The following WWOX variants were observed in gnomAD, a reference collection of about 807,000 sequenced individuals.
WWOX encodes the protein WW domain-containing oxidoreductase.
In WWOX, 69 loss-of-function variants were observed where a neutral mutation model predicts 46.2. The ratio of observed to expected loss-of-function variants is 1.49; its 90% CI spans 1.23 to 1.82. The LOEUF (loss-of-function observed/expected upper bound fraction) is 1.82. WWOX is among the 40% of genes most tolerant of loss of function. The probability of loss-of-function intolerance (pLI) is 0.00; values close to 1 mark genes in which losing one functional copy is unlikely to be tolerated. For missense variants in WWOX, 919 were observed against 542.6 expected (o/e 1.69, Z -6.89); for synonymous variants, 359 against 202.6 (o/e 1.77, Z -6.56).
chr16:78,976,305 C>T (rs774619654), intron 8 of WWOX, among the ~76,000 whole-genome samples: 7 of 152,182 alleles, frequency 4.6e-5, no homozygotes, highest in Non-Finnish European at 7.3e-5. Context: ...TTATTTCTTA[C>T]GTAGTTTTGA....
At chr16:78,391,471 C>G (rs1315290888) in intron 6 of WWOX, among the ~76,000 whole-genome samples, 2 of 152,130 alleles carry the variant, frequency 1.3e-5, no homozygotes, top group Non-Finnish European at 2.9e-5. Flanking sequence ...TCTCTGAATC[C>G]AAAACGACTT....
intron 8 of WWOX, among the ~76,000 whole-genome samples, chr16:78,624,008 C>T (rs975552065): frequency 6.6e-6 from 1 of 152,136 alleles, no homozygotes; most frequent in Non-Finnish European, 1.5e-5. Flanking sequence ...GTTGCACCAT[C>T]CACTTTATAG....
intron 5 of WWOX, among the ~76,000 whole-genome samples, chr16:78,324,700 T>C (rs1000147913): frequency 6.3e-5 from 9 of 142,786 alleles, no homozygotes; most frequent in Non-Finnish European, 9.0e-5. Context: ...AGTCCACATA[T>C]GGTGAGATTC....
At chr16:79,176,220 T>C (rs1488277612) in intron 8 of WWOX, among the ~76,000 whole-genome samples, 1 of 152,152 alleles carries the variant, frequency 6.6e-6, no homozygotes, top group African/African-American at 2.4e-5. Context: ...GAAAGCAACA[T>C]AAGTGGGTAG....
intron 8 of WWOX, among the ~76,000 whole-genome samples, chr16:78,931,802 C>G (rs1567657881): frequency 6.6e-6 from 1 of 152,194 alleles, no homozygotes; most frequent in African/African-American, 2.4e-5. Flanking sequence ...TGTCTCCACC[C>G]AAGTCTCATC....
Position 78,754,310 on chromosome 16 carries a change from T to C in WWOX, c.1056+321558T>C, listed in dbSNP as rs141930865. Among the ~76,000 whole-genome samples, 595 of 152,240 alleles carry C rather than the reference T, an allele frequency of 3.9e-3. 1 individual carries two copies. Among genetic ancestry groups the C allele is most frequent in the African/African-American group, 0.014 (564 of 41,536 alleles). Reference sequence around the variant, plus strand: ...TCAGTGAGTTTCAGGAAGAAGGCATTCAGGCTGATTTCAGACAGCCTAAGG... The same window carrying C: ...TCAGTGAGTTTCAGGAAGAAGGCATCCAGGCTGATTTCAGACAGCCTAAGG... On this transcript the variant is annotated intron_variant, in intron 8 of 8. Coordinates refer to ENST00000566780, the MANE Select transcript of WWOX (RefSeq NM_016373.4).
intron 8 of WWOX, among the ~76,000 whole-genome samples, chr16:78,442,245 A>G (rs1180794479): frequency 6.6e-6 from 1 of 152,162 alleles, no homozygotes; most frequent in Non-Finnish European, 1.5e-5. Context: ...ACATCGGTCA[A>G]CTTACATAGC....
chr16:78,673,673 C>G (rs2047520087), intron 8 of WWOX, among the ~76,000 whole-genome samples: 2 of 152,258 alleles, frequency 1.3e-5, no homozygotes, highest in East Asian at 1.9e-4. Flanking sequence ...ATTACGAAGC[C>G]TAAAGTGCAA....
At chr16:79,134,203 G>C (rs947924501) in intron 8 of WWOX, among the ~76,000 whole-genome samples, 3 of 151,934 alleles carry the variant, frequency 2.0e-5, no homozygotes, top group Non-Finnish European at 2.9e-5. Flanking sequence ...TTCTTACAAA[G>C]GAAAAAGAAA....
chr16:79,142,830 C>A (rs2050115651), intron 8 of WWOX, among the ~76,000 whole-genome samples: 1 of 152,082 alleles, frequency 6.6e-6, no homozygotes, highest in South Asian at 2.1e-4. Flanking sequence ...TCCCAAGTAG[C>A]TGGGACTACA....
intron 4 of WWOX, among the ~76,000 whole-genome samples, chr16:78,134,802 A>G (rs971988801): frequency 2.0e-5 from 3 of 152,194 alleles, no homozygotes; most frequent in African/African-American, 7.2e-5. Flanking sequence ...AGCTTGATCT[A>G]TGTTTTTCTC....
intron 6 of WWOX, among the ~76,000 whole-genome samples, chr16:78,415,909 A>T (rs965777271): frequency 1.3e-5 from 2 of 152,158 alleles, no homozygotes; most frequent in Non-Finnish European, 2.9e-5. Context: ...GCTGGTTTGT[A>T]AATAGCATCC....
chr16:78,514,350 A>G (rs137915790), intron 8 of WWOX, among the ~76,000 whole-genome samples: 1 of 152,288 alleles, frequency 6.6e-6, no homozygotes, highest in African/African-American at 2.4e-5. Context: ...ACTGCTTGAA[A>G]ACAGCTTGTG....
intron 6 of WWOX, among the ~76,000 whole-genome samples, chr16:78,390,935 G>T (rs1012654856): frequency 7.2e-5 from 11 of 152,176 alleles, no homozygotes; most frequent in Non-Finnish European, 1.2e-4. Context: ...GCCTGTATGT[G>T]ATCAAGCCAG....
Position 78,640,269 on chromosome 16 carries a change from T to C in WWOX, c.1056+207517T>C, listed in dbSNP as rs1331663873. ...TTTTTTTTTTTGGCTTTTGCGCCTATGGTGACTTTTAGCGAATGGATACTA... is the reference window on the plus strand; with the variant it reads ...TTTTTTTTTTTGGCTTTTGCGCCTACGGTGACTTTTAGCGAATGGATACTA... On this transcript the variant is annotated intron_variant, in intron 8 of 8. Coordinates refer to ENST00000566780, the MANE Select transcript of WWOX (RefSeq NM_016373.4). Among the ~76,000 whole-genome samples the C allele has an allele frequency of 2.3e-5, 3 of 129,818 alleles. No homozygotes were observed. The East Asian group carries it at 7.1e-4, about 31-fold the overall frequency. 85.2% of individuals were successfully genotyped at this position (129,818 alleles called of 152,430 possible). A position where few individuals can be genotyped will look rare whatever the true frequency, so the allele number is the denominator to read the frequency against.
At chr16:78,910,376 T>A (rs905180624) in intron 8 of WWOX, among the ~76,000 whole-genome samples, 4 of 152,044 alleles carry the variant, frequency 2.6e-5, no homozygotes, top group Non-Finnish European at 5.9e-5. Context: ...TTGTAGTATG[T>A]GCAAGAATTA....
At chr16:79,154,624 C>T (rs1461768234) in intron 8 of WWOX, among the ~76,000 whole-genome samples, 1 of 151,812 alleles carries the variant, frequency 6.6e-6, no homozygotes, top group Non-Finnish European at 1.5e-5. Flanking sequence ...AAAAAGTTTG[C>T]AACATTTAAA....
intron 8 of WWOX, among the ~76,000 whole-genome samples, chr16:78,672,378 A>C (rs1055487587): frequency 6.6e-6 from 1 of 152,300 alleles, no homozygotes; most frequent in South Asian, 2.1e-4. Flanking sequence ...ATGATCAGAA[A>C]ATACATACAT....
At chr16:78,595,977 A>G (rs2045480168) in intron 8 of WWOX, among the ~76,000 whole-genome samples, 1 of 152,336 alleles carries the variant, frequency 6.6e-6, no homozygotes, top group African/African-American at 2.4e-5. Flanking sequence ...TTCAACATTC[A>G]AAGGGGATAA....
Sources: allele counts gnomAD v4.1 joint callset (sites outside exome capture counted in the v4.1 genomes callset), GRCh38; gene constraint gnomAD v4.1.1; transcripts MANE v1.5; gene names NCBI Gene and HGNC (gene_info 2026-07-23, HGNC 2026-07-21).